Variants in TTC7A observed in about 807,000 individuals in gnomAD.
The protein encoded by TTC7A is tetratricopeptide repeat protein 7A.
Under a neutral mutation model 103.7 loss-of-function variants are expected in TTC7A, and 110 were observed. The observed-to-expected ratio is 1.06, with a 90% CI of 0.91 to 1.24. The LOEUF (loss-of-function observed/expected upper bound fraction) is 1.24. TTC7A is among the 50% of genes most tolerant of loss of function. The pLI is 0.00. For missense variants in TTC7A, 1,340 were observed against 1,116.3 expected, an observed-to-expected ratio of 1.20 and a Z score of -2.86; for synonymous variants, 521 against 467.9, an observed-to-expected ratio of 1.11 and a Z score of -1.47.
At chr2:46,984,200 T>G (rs1014628174) in intron 5 of TTC7A, among the ~76,000 whole-genome samples, 1 of 152,256 alleles carries the variant, frequency 6.6e-6, no homozygotes, top group Non-Finnish European at 1.5e-5. Context: ...CTTTCTTAGC[T>G]GGCGGTCTTA....
chr2:47,042,675 AGT>A (rs10587096), intron 15 of TTC7A, among the ~76,000 whole-genome samples: 26,910 of 148,150 alleles, frequency 0.18, 2,534 homozygotes, highest in Middle Eastern at 0.29. Flanking sequence ...CTGAGCCCCA[AGT>A]GTGTGTGTGT....
intron 3 of TTC7A, among the ~76,000 whole-genome samples, chr2:46,958,983 C>A (rs1558509367): frequency 6.6e-6 from 1 of 152,226 alleles, no homozygotes; most frequent in Non-Finnish European, 1.5e-5. Context: ...CCCTCTGTAA[C>A]CCTCTGAGCT....
chr2:47,005,648 G>T (rs1184972488), intron 8 of TTC7A, among the ~76,000 whole-genome samples: 2 of 152,186 alleles, frequency 1.3e-5, no homozygotes, highest in African/African-American at 4.8e-5. Context: ...CTGTAGGCTT[G>T]AAATTTTGTA....
chr2:46,958,503 C>T (rs1032839846), intron 3 of TTC7A: 8 of 1,304,138 alleles, frequency 6.1e-6, no homozygotes, highest in African/African-American at 3.0e-5. Context: ...AGCATGCCTC[C>T]GGCTTCTTGG....
At chr2:47,040,877 C>T (rs1174380464) in intron 15 of TTC7A, among the ~76,000 whole-genome samples, 1 of 152,182 alleles carries the variant, frequency 6.6e-6, no homozygotes, top group Non-Finnish European at 1.5e-5. Context: ...AATTCCTGGG[C>T]CAGTGTGTAT....
At chr2:47,006,804 C>T in intron 10 of TTC7A, 80 bp downstream of exon 10, 2 of 1,175,618 alleles carry the variant, frequency 1.7e-6, no homozygotes, top group Admixed American at 3.5e-5. Flanking sequence ...CTTTTCTGGC[C>T]AGGGGAGTGG....
At chr2:47,054,724 G>A (rs6755538) in intron 18 of TTC7A, among the ~76,000 whole-genome samples, 68,560 of 151,556 alleles carry the variant, frequency 0.45, 16,913 homozygotes, top group East Asian at 0.73. Flanking sequence ...AGTCCCAGCT[G>A]CTCTGGAGGC....
intron 15 of TTC7A, among the ~76,000 whole-genome samples, chr2:47,037,137 C>G (rs1022710970): frequency 6.6e-6 from 1 of 152,230 alleles, no homozygotes; most frequent in Non-Finnish European, 1.5e-5. Flanking sequence ...TCCACTTTGT[C>G]CCCGGAGCCC....
At chr2:46,983,064 A>C (rs1268297732) in intron 5 of TTC7A, among the ~76,000 whole-genome samples, 5 of 152,268 alleles carry the variant, frequency 3.3e-5, no homozygotes, top group African/African-American at 1.2e-4. Context: ...ATTTTTGTGT[A>C]GTCCACAGCT....
intron 15 of TTC7A, among the ~76,000 whole-genome samples, chr2:47,031,831 T>C (rs1274594849): frequency 6.6e-6 from 1 of 152,232 alleles, no homozygotes; most frequent in Non-Finnish European, 1.5e-5. Context: ...CTCCCTTTTT[T>C]GGAAATCTGG....
intron 12 of TTC7A, 59 bp from the exon 13 acceptor site, chr2:47,023,349 G>T: frequency 2.5e-6 from 4 of 1,570,360 alleles, no homozygotes; most frequent in Non-Finnish European, 3.5e-6. Context: ...ATGGTGCAGG[G>T]CTGGGCCGGC....
At chr2:47,018,281 GAAAA>G (rs35448648) in intron 11 of TTC7A, among the ~76,000 whole-genome samples, 1 of 124,448 alleles carries the variant, frequency 8.0e-6, no homozygotes, top group Non-Finnish European at 1.7e-5. Flanking sequence ...GTCCGTCTCA[GAAAA>G]AAAAAAAAAA....
chr2:47,049,705 T>A (rs145225655), intron 16 of TTC7A, among the ~76,000 whole-genome samples: 1 of 151,724 alleles, frequency 6.6e-6, no homozygotes, highest in Non-Finnish European at 1.5e-5. Context: ...TAGTAGGGAG[T>A]GTGGGAGAGT....
At chr2:46,981,419 G>C (rs1674448951) in intron 5 of TTC7A, among the ~76,000 whole-genome samples, 1 of 152,012 alleles carries the variant, frequency 6.6e-6, no homozygotes, top group Non-Finnish European at 1.5e-5. Context: ...GCACATAGTG[G>C]ACTGTGGCAG....
intron 1 of TTC7A, among the ~76,000 whole-genome samples, chr2:46,948,623 G>A (rs1399006386): frequency 6.6e-6 from 1 of 152,140 alleles, no homozygotes; most frequent in Non-Finnish European, 1.5e-5. Context: ...TCAGAGGCAT[G>A]AAGTTTTTTG....
chr2:46,935,176 G>A (rs74685514), intron 2 of TTC7A, among the ~76,000 whole-genome samples: 5,344 of 152,162 alleles, frequency 0.035, 122 homozygotes, highest in Non-Finnish European at 0.053. Flanking sequence ...ATGGCTGAAG[G>A]CTTGTCCCTG....
intron 2 of TTC7A, among the ~76,000 whole-genome samples, chr2:46,921,960 TG>T (rs1669127646): frequency 6.6e-6 from 1 of 152,140 alleles, no homozygotes; most frequent in African/African-American, 2.4e-5. Context: ...CCACACTAGT[TG>T]GGGGGTGAGG....
At chr2:47,032,758 G>A (rs953745712) in intron 15 of TTC7A, among the ~76,000 whole-genome samples, 1 of 146,870 alleles carries the variant, frequency 6.8e-6, no homozygotes, top group South Asian at 2.1e-4. Flanking sequence ...GCTCTGTTTT[G>A]ATCCAGCTGG....
intron 2 of TTC7A, among the ~76,000 whole-genome samples, chr2:46,935,699 G>C (rs924723472): frequency 6.6e-6 from 1 of 152,202 alleles, no homozygotes; most frequent in Non-Finnish European, 1.5e-5. Flanking sequence ...GAAACAGGGT[G>C]ATCCTCTGAG....
Sources: gnomAD v4.1 joint callset for allele counts (sites outside exome capture counted in the v4.1 genomes callset) on GRCh38, gnomAD v4.1.1 for gene constraint, MANE v1.5 for transcripts, NCBI Gene and HGNC (gene_info 2026-07-23, HGNC 2026-07-21) for gene names.